Variants in FAT3 observed in about 807,000 individuals in gnomAD.
The protein encoded by FAT3 is FAT atypical cadherin 3.
Under a neutral mutation model 310.2 loss-of-function variants are expected in FAT3, and 95 were observed. The observed-to-expected ratio is 0.31, with a 90% CI of 0.26 to 0.36. The LOEUF (loss-of-function observed/expected upper bound fraction) is 0.36. Among genes scored for constraint, FAT3 ranks in the 10% least tolerant of loss-of-function variants. FAT3 has a pLI of 1.00. For missense variants in FAT3, 5,408 were observed against 5,715.6 expected, an observed-to-expected ratio of 0.95 and a Z score of 1.74; for synonymous variants, 2,314 against 2,192.9, an observed-to-expected ratio of 1.06 and a Z score of -1.54.
chr11:92,588,621 T>G (rs1460921359), intron 3 of FAT3, among the ~76,000 whole-genome samples: 1 of 152,050 alleles, frequency 6.6e-6, no homozygotes, highest in African/African-American at 2.4e-5. Context: ...CTGCCTTAGA[T>G]GAAAAGAGTA....
At chr11:92,725,015 T>G (rs1244242135) in intron 4 of FAT3, among the ~76,000 whole-genome samples, 1 of 151,986 alleles carries the variant, frequency 6.6e-6, no homozygotes, top group Non-Finnish European at 1.5e-5. Context: ...AATATTCACC[T>G]GAATACAATG....
intron 2 of FAT3, among the ~76,000 whole-genome samples, chr11:92,453,235 G>C (rs1951406201): frequency 6.6e-6 from 1 of 152,182 alleles, no homozygotes; most frequent in Non-Finnish European, 1.5e-5. Context: ...ATGAGTCATA[G>C]CAAGACAGAT....
chr11:92,753,798 G>GTGTATATATATATATA, intron 4 of FAT3, among the ~76,000 whole-genome samples: 1 of 119,116 alleles, frequency 8.4e-6, no homozygotes, highest in Non-Finnish European at 1.7e-5. Context: ...GTGTGTGTGT[G>GTGTATATATATATATA]TATATATATA....
intron 4 of FAT3, among the ~76,000 whole-genome samples, chr11:92,705,936 TG>T: frequency 1.3e-5 from 1 of 74,914 alleles, no homozygotes; most frequent in Non-Finnish European, 2.7e-5. Context: ...GGTGTGATGG[TG>T]GTGATTGTGG....
chr11:92,430,870 A>G (rs1950752160), intron 2 of FAT3, among the ~76,000 whole-genome samples: 1 of 152,094 alleles, frequency 6.6e-6, no homozygotes, highest in Non-Finnish European at 1.5e-5. Context: ...ATAGTATTCC[A>G]TGGTGTATAT....
At chr11:92,827,747 A>AT (rs1948137778) in intron 13 of FAT3, among the ~76,000 whole-genome samples, 1 of 152,154 alleles carries the variant, frequency 6.6e-6, no homozygotes, top group Non-Finnish European at 1.5e-5. Context: ...AGGAATTTGT[A>AT]TGTGCTATTT....
chr11:92,246,486 C>T (rs908532331), intron 1 of FAT3, among the ~76,000 whole-genome samples: 4 of 151,910 alleles, frequency 2.6e-5, no homozygotes, highest in South Asian at 2.1e-4. Context: ...AGCTGGTATA[C>T]CTTGGACTGG....
intron 3 of FAT3, among the ~76,000 whole-genome samples, chr11:92,640,142 C>T (rs1474761616): frequency 6.6e-6 from 1 of 151,974 alleles, no homozygotes; most frequent in Non-Finnish European, 1.5e-5. Flanking sequence ...AGAGAGGCTA[C>T]ATCAGGGTCC....
At chr11:92,317,177 T>G (rs1947487746) in intron 1 of FAT3, among the ~76,000 whole-genome samples, 1 of 152,230 alleles carries the variant, frequency 6.6e-6, no homozygotes, top group Non-Finnish European at 1.5e-5. Flanking sequence ...AGGACATGGA[T>G]GATTAAAATA....
In FAT3 at chr11:92,812,091, G is replaced by A. The variant is rs555689376; in HGVS notation, c.9481+2015G>A. 1.9e-3 allele frequency among the ~76,000 whole-genome samples: 291 copies of A among 152,202 alleles called. 3 individuals are homozygous for A. Among genetic ancestry groups the A allele is most frequent in the African/African-American group, 2.4e-3 (99 of 41,532 alleles). ...ATGCTGACATTCTTCAGAATCCCTGGGTATCAATGATTGGTACACTAATTT... is the reference window on the plus strand; with the variant it reads ...ATGCTGACATTCTTCAGAATCCCTGAGTATCAATGATTGGTACACTAATTT... On this transcript the variant is annotated intron_variant, in intron 13 of 27. Coordinates refer to ENST00000525166, the MANE Select transcript of FAT3 (RefSeq NM_001367949.2).
intron 4 of FAT3, among the ~76,000 whole-genome samples, chr11:92,736,138 G>T (rs143035669): frequency 6.6e-6 from 1 of 152,134 alleles, no homozygotes; most frequent in Non-Finnish European, 1.5e-5. Context: ...CTAGTTGGGA[G>T]CTGAGTTACT....
At chr11:92,748,824 CAAGTT>C (rs1378583130) in intron 4 of FAT3, 1 of 152,164 alleles carries the variant, frequency 6.6e-6, no homozygotes, top group South Asian at 2.1e-4. Context: ...GGTGATAGCG[CAAGTT>C]AAGTTTAGTT....
rs1949925363 is a variant in FAT3 at position 92,891,935 on chromosome 11, A to G, written c.*822A>G. ...TTGGTAAATCTAACATTGCTACAGA[A>G]GTTGGCTTTGTTCATATAGCTTCTC... is the stretch of plus-strand genomic sequence containing the variant. On this transcript the variant is annotated 3_prime_UTR_variant, in exon 28 of 28. Transcript: ENST00000525166. 1 of 152,208 alleles carries G rather than the reference A, an allele frequency of 6.6e-6. No homozygotes were observed. Among genetic ancestry groups the G allele is most frequent in the African/African-American group, 2.4e-5 (1 of 41,444 alleles). 9.4% of individuals were successfully genotyped at this position (152,208 alleles called of 1,614,324 possible). A position where few individuals can be genotyped will look rare whatever the true frequency, so the allele number is the denominator to read the frequency against.
At chr11:92,701,056 C>G (rs1231885008) in intron 4 of FAT3, among the ~76,000 whole-genome samples, 3 of 152,124 alleles carry the variant, frequency 2.0e-5, no homozygotes, top group Non-Finnish European at 4.4e-5. Flanking sequence ...CTTGTAAGGC[C>G]TAGGTGTGGG....
chr11:92,352,935 T>C lies in FAT3; in HGVS notation c.823T>C (p.Ser275Pro). The C allele has an allele frequency of 6.2e-7, 1 of 1,613,890 alleles. No individual in the cohort carries two copies. Among genetic ancestry groups the C allele is most frequent in the Non-Finnish European group, 8.5e-7 (1 of 1,179,862 alleles). Residue 275 changes from serine (S) to proline (P), a missense_variant, in exon 2 of 28, where the codon TCG becomes CCG. By Grantham distance (74) the Ser-to-Pro change is moderately conservative. Transcript: ENST00000525166. ...TIHVVTHVPF[S>P]LEKEPTYAVV... ...CCATGTAGTCACTCATGTTCCTTTC[T>C]CGTTGGAAAAAGAGCCAACATATGC...
chr11:92,388,466 A>G (rs1289239048), intron 2 of FAT3, among the ~76,000 whole-genome samples: 1 of 152,228 alleles, frequency 6.6e-6, no homozygotes, highest in Non-Finnish European at 1.5e-5. Context: ...AGCAATATGC[A>G]AAAGATGAAG....
chr11:92,272,997 A>G, intron 1 of FAT3, among the ~76,000 whole-genome samples: 1 of 152,118 alleles, frequency 6.6e-6, no homozygotes, highest in East Asian at 1.9e-4. Flanking sequence ...TTTCATAAAC[A>G]GATTTTTCCT....
At chr11:92,359,469 TCTTGA>T (rs1948821447) in intron 2 of FAT3, among the ~76,000 whole-genome samples, 1 of 152,148 alleles carries the variant, frequency 6.6e-6, no homozygotes, top group Admixed American at 6.5e-5. Context: ...AGTTTTATGT[TCTTGA>T]CTTTCTTTTT....
chr11:92,566,577 C>T (rs1406398611), intron 3 of FAT3, among the ~76,000 whole-genome samples: 1 of 151,700 alleles, frequency 6.6e-6, no homozygotes, highest in Non-Finnish European at 1.5e-5. Context: ...CCCGCATTGC[C>T]AAGTCAATCC....
Sources: gnomAD v4.1 joint callset for allele counts (sites outside exome capture counted in the v4.1 genomes callset) on GRCh38, gnomAD v4.1.1 for gene constraint, MANE v1.5 for transcripts, NCBI Gene and HGNC (gene_info 2026-07-23, HGNC 2026-07-21) for gene names.